Variants in RANBP9 observed in about 807,000 individuals in gnomAD.
The protein encoded by RANBP9 is RAN binding protein 9, also known as ran-binding protein 9.
In RANBP9, 15 loss-of-function variants were observed where a neutral mutation model predicts 84.3. That is an observed-to-expected ratio of 0.18 (90% CI 0.12 to 0.27). The LOEUF (loss-of-function observed/expected upper bound fraction) is 0.27, where lower values mean the gene tolerates loss of function less well. RANBP9 is among the 10% of genes least tolerant of loss of function. RANBP9 has a pLI of 1.00. For missense variants in RANBP9, 809 were observed against 912.8 expected, an observed-to-expected ratio of 0.89 and a Z score of 1.46; for synonymous variants, 392 against 349.6, an observed-to-expected ratio of 1.12 and a Z score of -1.35.
In RANBP9 at chr6:13,641,121, C is replaced by G. The variant is rs537999945; in HGVS notation, c.1334+78G>C. ...GAAAAAAACTAAAATTACAAAAGCA[C>G]GAAAATGTCTTTTATTACATAACTT... On this transcript the variant is annotated intron_variant, in intron 8 of 13. Transcript: ENST00000011619. 2.2e-5 allele frequency: 21 copies of G among 952,608 alleles called. No homozygotes were observed. The East Asian group carries it at 6.4e-4, about 29-fold the overall frequency. The allele number at this position is 952,608 out of a possible 1,614,324, so 59.0% of individuals were successfully genotyped here.
At position 13,711,197 on chromosome 6, in the gene RANBP9, G is replaced by A. The variant is rs1197754094; in HGVS notation, c.309C>T (p.Pro103=). 4.5e-5 allele frequency: 56 copies of A among 1,232,772 alleles called. No individual in the cohort carries two copies. The highest frequency in any genetic ancestry group is 1.3e-4 in the South Asian group (4 of 31,378). 76.4% of individuals were successfully genotyped at this position (1,232,772 alleles called of 1,614,324 possible). A position where few individuals can be genotyped will look rare whatever the true frequency, so the allele number is the denominator to read the frequency against. The change falls in exon 1 of 14, where the codon CCC becomes CCT. Residue 103 remains proline, a synonymous_variant. Transcript: ENST00000011619. ...ASAAAPASGP[P]APPGLAAGPG... is the part of the protein sequence containing the mutation. ...GGCCCGCTGCAAGGCCCGGGGGAGC[G>A]GGCGGCCCGCTGGCGGGGGCAGCCG...
At chr6:13,674,821 T>C (rs1319255799) in intron 2 of RANBP9, among the ~76,000 whole-genome samples, 8 of 152,214 alleles carry the variant, frequency 5.3e-5, no homozygotes, top group Admixed American at 4.6e-4. Context: ...TCCTTCCCCA[T>C]GTTACCCTTA....
chr6:13,658,744 A>G (rs200792513), intron 3 of RANBP9, 36 bp downstream of exon 3: 4 of 1,497,524 alleles, frequency 2.7e-6, no homozygotes, highest in Middle Eastern at 1.7e-4. Flanking sequence ...AGAGCTACTC[A>G]TAAGACATAA....
chr6:13,629,239 G>C (rs1322342375), intron 12 of RANBP9, among the ~76,000 whole-genome samples: 1 of 152,136 alleles, frequency 6.6e-6, no homozygotes, highest in Non-Finnish European at 1.5e-5. Context: ...GCCTCCCAAA[G>C]TGTTGGGATT....
intron 2 of RANBP9, among the ~76,000 whole-genome samples, chr6:13,675,375 T>C (rs1327356128): frequency 1.3e-5 from 2 of 152,050 alleles, no homozygotes; most frequent in Non-Finnish European, 2.9e-5. Context: ...TCCCCAAATA[T>C]CTGGAGATTA....
At chr6:13,708,243 A>ACT (rs1489988674) in intron 1 of RANBP9, among the ~76,000 whole-genome samples, 1 of 152,080 alleles carries the variant, frequency 6.6e-6, no homozygotes, top group Non-Finnish European at 1.5e-5. Flanking sequence ...GCAACACAGT[A>ACT]AGACCCCATC....
chr6:13,664,538 A>G (rs1455125978), intron 2 of RANBP9, among the ~76,000 whole-genome samples: 1 of 152,132 alleles, frequency 6.6e-6, no homozygotes, highest in Non-Finnish European at 1.5e-5. Context: ...ACAGCTTAAT[A>G]GAAGAAATAA....
intron 1 of RANBP9, among the ~76,000 whole-genome samples, chr6:13,699,028 T>C (rs1187199165): frequency 6.6e-6 from 1 of 152,222 alleles, no homozygotes; most frequent in Non-Finnish European, 1.5e-5. Flanking sequence ...TGCTTTTGTA[T>C]GGATTTTTCT....
At position 13,687,127 on chromosome 6, in the gene RANBP9, C is replaced by A. The variant is rs560801900; in HGVS notation, c.683+9658G>T. 3.9e-5 allele frequency among the ~76,000 whole-genome samples: 6 copies of A among 152,210 alleles called. No homozygotes were observed. In the South Asian group the frequency reaches 1.2e-3, roughly 32 times the overall value. On this transcript the variant is annotated intron_variant, in intron 2 of 13. Transcript: ENST00000011619. Reference sequence around the variant, plus strand: ...GTGTTTCAGGTGTCCACCCTAGGCCCTCTTTGTTTTTGTTACATTACATAC... The same window carrying A: ...GTGTTTCAGGTGTCCACCCTAGGCCATCTTTGTTTTTGTTACATTACATAC...
intron 2 of RANBP9, among the ~76,000 whole-genome samples, chr6:13,690,608 A>G (rs935194021): frequency 2.6e-5 from 4 of 152,250 alleles, no homozygotes; most frequent in Admixed American, 1.3e-4. Flanking sequence ...GAGTGGCATC[A>G]ATATTTTGTT....
At chr6:13,689,014 T>C (rs1324640419) in intron 2 of RANBP9, among the ~76,000 whole-genome samples, 1 of 131,438 alleles carries the variant, frequency 7.6e-6, no homozygotes, top group Non-Finnish European at 1.6e-5. Flanking sequence ...ATGCTGGGCA[T>C]GGTGACGCAC....
Position 13,622,557 on chromosome 6 carries a change from C to T in RANBP9, c.2060-65G>A, listed in dbSNP as rs547994951. 1.6e-5 allele frequency: 23 copies of T among 1,456,976 alleles called. 1 individual carries two copies. In the East Asian group the frequency reaches 4.9e-4, roughly 31 times the overall value. The allele number at this position is 1,456,976 out of a possible 1,614,324, so 90.3% of individuals were successfully genotyped here. On this transcript the variant is annotated intron_variant, in intron 13 of 13. Coordinates refer to ENST00000011619, the MANE Select transcript of RANBP9 (RefSeq NM_005493.3). Reference sequence around the variant, plus strand: ...AAGACATTTTAAAAAACATTTCAATCAGGAGAATACTGCAATGACTTTAAA... The same window carrying T: ...AAGACATTTTAAAAAACATTTCAATTAGGAGAATACTGCAATGACTTTAAA...
chr6:13,629,919 CTCGTGTGT>C (rs758414501), intron 12 of RANBP9, among the ~76,000 whole-genome samples: 15 of 129,966 alleles, frequency 1.2e-4, no homozygotes, highest in Non-Finnish European at 2.0e-4. Context: ...CTCTCTCTCT[CTCGTGTGT>C]GTGTGTGTGT....
chr6:13,694,453 C>CTAT (rs1766396017), intron 2 of RANBP9, among the ~76,000 whole-genome samples: 1 of 152,108 alleles, frequency 6.6e-6, no homozygotes, highest in Non-Finnish European at 1.5e-5. Context: ...AATGGACAAA[C>CTAT]TATAGAGACA....
At chr6:13,654,740 C>T (rs994706666) in intron 4 of RANBP9, among the ~76,000 whole-genome samples, 13 of 152,162 alleles carry the variant, frequency 8.5e-5, no homozygotes, top group African/African-American at 1.4e-4. Context: ...TGGCTGGTTG[C>T]TAATGAAATT....
intron 3 of RANBP9, among the ~76,000 whole-genome samples, chr6:13,658,399 AG>A (rs1260704309): frequency 6.6e-6 from 1 of 152,200 alleles, no homozygotes; most frequent in African/African-American, 2.4e-5. Context: ...ACCTGAGGTC[AG>A]GGGCTCGAGA....
In RANBP9 at chr6:13,629,886, CAT is replaced by C. The variant is rs911321828; in HGVS notation, c.1947+2482_1947+2483del. Among the ~76,000 whole-genome samples, 19 of 146,368 alleles carry C rather than the reference CAT, an allele frequency of 1.3e-4. 1 individual carries two copies. Among genetic ancestry groups the C allele is most frequent in the African/African-American group, 4.4e-4 (17 of 38,966 alleles). ...ATCAAATCTCTCAATCTCTCTCTCT[CAT>C]GTCTCTGTCTCTCTCTCTCTCTCTC... On this transcript the variant is annotated intron_variant, in intron 12 of 13. Transcript: ENST00000011619.
At position 13,697,007 on chromosome 6, in the gene RANBP9, C is replaced by A. The variant is rs77250288; in HGVS notation, c.572-111G>T. ...TTTTTGGAATGATGTATTATTTCTG[C>A]TCCTATCAGTTCAAATACTCAATAA... On this transcript the variant is annotated intron_variant, in intron 1 of 13. Transcript: ENST00000011619. 2,843 of 828,116 alleles carry A rather than the reference C, an allele frequency of 3.4e-3. 70 individuals carry two copies. In the African/African-American group the frequency reaches 0.046, roughly 13 times the overall value. 51.3% of individuals were successfully genotyped at this position (828,116 alleles called of 1,614,324 possible). A position where few individuals can be genotyped will look rare whatever the true frequency, so the allele number is the denominator to read the frequency against.
intron 2 of RANBP9, among the ~76,000 whole-genome samples, chr6:13,666,083 G>A (rs1484036817): frequency 6.6e-6 from 1 of 152,074 alleles, no homozygotes; most frequent in African/African-American, 2.4e-5. Flanking sequence ...TTATCAAAGA[G>A]TACACTTAAG....
Sources: gnomAD v4.1 joint callset for allele counts (sites outside exome capture counted in the v4.1 genomes callset) on GRCh38, gnomAD v4.1.1 for gene constraint, MANE v1.5 for transcripts, NCBI Gene and HGNC (gene_info 2026-07-23, HGNC 2026-07-21) for gene names.